The following KDM4B variants were observed in gnomAD, a reference collection of about 807,000 sequenced individuals.
The protein encoded by KDM4B is lysine demethylase 4B, also known as lysine-specific demethylase 4B.
A neutral mutation model predicts 125.2 loss-of-function variants in KDM4B; 32 were observed. The observed-to-expected ratio is 0.26, with a 90% CI of 0.19 to 0.34. The LOEUF (loss-of-function observed/expected upper bound fraction) is 0.34. Among genes scored for constraint, KDM4B ranks in the 10% least tolerant of loss-of-function variants. KDM4B has a pLI of 1.00. For missense variants in KDM4B, 1,190 were observed against 1,577.7 expected, an observed-to-expected ratio of 0.75 and a Z score of 4.16; for synonymous variants, 721 against 677.9, an observed-to-expected ratio of 1.06 and a Z score of -0.99.
At chr19:4,976,822 T>C (rs573891165) in intron 1 of KDM4B, among the ~76,000 whole-genome samples, 31 of 152,348 alleles carry the variant, frequency 2.0e-4, no homozygotes, top group Non-Finnish European at 3.7e-4. Flanking sequence ...TGTCTCACTC[T>C]TCTCCTGGCT....
intron 6 of KDM4B, among the ~76,000 whole-genome samples, chr19:5,060,406 C>G (rs2037548986): frequency 7.8e-6 from 1 of 127,772 alleles, no homozygotes; most frequent in Non-Finnish European, 1.6e-5. Flanking sequence ...CCCATCCAGC[C>G]TGGGTGACGG....
At chr19:5,057,382 T>C (rs2145756020) in intron 6 of KDM4B, among the ~76,000 whole-genome samples, 1 of 152,368 alleles carries the variant, frequency 6.6e-6, no homozygotes, top group East Asian at 1.9e-4. Context: ...CTCATTGTCA[T>C]GGCTGTGAAA....
intron 1 of KDM4B, among the ~76,000 whole-genome samples, chr19:4,974,179 C>T (rs1041403571): frequency 2.6e-5 from 4 of 151,192 alleles, no homozygotes; most frequent in African/African-American, 9.7e-5. Context: ...GGGCAGATCA[C>T]AAGGTCAGGA....
chr19:5,032,808 C>A, intron 2 of KDM4B, 58 bp from the exon 3 acceptor site: 2 of 1,496,042 alleles, frequency 1.3e-6, no homozygotes, highest in Non-Finnish European at 1.8e-6. Context: ...GGAGGACGGG[C>A]TCCAAGGGCT....
intron 2 of KDM4B, among the ~76,000 whole-genome samples, chr19:5,025,132 T>TAAGC (rs1327619285): frequency 6.6e-6 from 1 of 152,198 alleles, no homozygotes; most frequent in Admixed American, 6.5e-5. Flanking sequence ...TGGGTTGGGT[T>TAAGC]AAGCGGCTTT....
At chr19:5,101,611 A>G (rs1363107694) in intron 9 of KDM4B, among the ~76,000 whole-genome samples, 1 of 149,028 alleles carries the variant, frequency 6.7e-6, no homozygotes, top group African/African-American at 2.5e-5. Context: ...GCAAGGGGAT[A>G]GCGGGGAGGG....
intron 6 of KDM4B, among the ~76,000 whole-genome samples, chr19:5,068,204 C>T (rs2037835846): frequency 6.6e-6 from 1 of 152,056 alleles, no homozygotes; most frequent in African/African-American, 2.4e-5. Context: ...CTTTGGGGGC[C>T]TGGGCGGAGG....
intron 8 of KDM4B, chr19:5,077,871 G>C (rs1356752236): frequency 9.4e-6 from 2 of 213,238 alleles, no homozygotes; most frequent in Non-Finnish European, 1.9e-5. Context: ...TACCGCCCCA[G>C]GCCACACCCT....
At position 5,144,827 on chromosome 19, in the gene KDM4B, G is replaced by A. The variant is rs1396731620; in HGVS notation, c.2946G>A (p.Leu982=). The A allele has an allele frequency of 1.2e-6, 2 of 1,613,106 alleles. No individual in the cohort carries two copies. The highest frequency in any genetic ancestry group is 1.7e-5 in the Admixed American group (1 of 59,924). ...TGGGACCCCCTTCCGAGGGGGAGCTGGTGGAGCTCCGGTGGACTGACGGCA... is the reference window on the plus strand; with the variant it reads ...TGGGACCCCCTTCCGAGGGGGAGCTAGTGGAGCTCCGGTGGACTGACGGCA... The part of the protein sequence containing the change: ...VQLGPPSEGE[L]VELRWTDGNL... The change falls in exon 21 of 23, where the codon CTG becomes CTA. Residue 982 remains leucine, a synonymous_variant. Coordinates refer to ENST00000159111, the MANE Select transcript of KDM4B (RefSeq NM_015015.3).
chr19:5,009,072 G>A (rs955055370), intron 1 of KDM4B, among the ~76,000 whole-genome samples: 7 of 151,472 alleles, frequency 4.6e-5, no homozygotes, highest in African/African-American at 9.7e-5. Flanking sequence ...ATGCCACCAC[G>A]CTCAGCTAAT....
At chr19:5,019,005 G>T (rs572926977) in intron 2 of KDM4B, among the ~76,000 whole-genome samples, 10 of 152,354 alleles carry the variant, frequency 6.6e-5, no homozygotes, top group African/African-American at 2.4e-4. Flanking sequence ...GAGTCGTGCT[G>T]CTGTGGACAT....
intron 9 of KDM4B, among the ~76,000 whole-genome samples, chr19:5,101,598 G>C (rs2038935344): frequency 6.6e-6 from 1 of 151,726 alleles, no homozygotes; most frequent in South Asian, 2.1e-4. Flanking sequence ...GATGGGTTGG[G>C]ATGCAAGGGG....
intron 5 of KDM4B, among the ~76,000 whole-genome samples, chr19:5,045,052 G>A (rs8103724): frequency 0.092 from 14,063 of 152,238 alleles, 869 homozygotes; most frequent in Admixed American, 0.15. Context: ...CATCTCCTTT[G>A]GGTAAATACC....
Position 5,128,968 on chromosome 19 carries a change from G to A in KDM4B, c.1316-2108G>A, listed in dbSNP as rs1036986705. 7.2e-5 allele frequency among the ~76,000 whole-genome samples: 11 copies of A among 152,240 alleles called. No homozygotes were observed. In the East Asian group the frequency reaches 1.7e-3, roughly 24 times the overall value. On this transcript the variant is annotated intron_variant, in intron 11 of 22. Coordinates refer to ENST00000159111, the MANE Select transcript of KDM4B (RefSeq NM_015015.3). ...TGGGGGTGTTCCAGGCTCCCCTGCC[G>A]GGGTGGAGGTCAGGGAGGAGCCCGG...
chr19:5,074,736 C>A (rs73919723), intron 7 of KDM4B: 6,981 of 152,486 alleles, frequency 0.046, 209 homozygotes, highest in Non-Finnish European at 0.067. Context: ...AGCACCGTGG[C>A]CCCGCTCTCC....
intron 9 of KDM4B, among the ~76,000 whole-genome samples, chr19:5,088,136 C>T (rs901405418): frequency 3.9e-5 from 6 of 152,142 alleles, no homozygotes; most frequent in Admixed American, 1.3e-4. Context: ...TCCTCGTGGG[C>T]GGGATGTGCC....
chr19:5,031,937 T>C (rs1395295951), intron 2 of KDM4B, among the ~76,000 whole-genome samples: 1 of 152,180 alleles, frequency 6.6e-6, no homozygotes, highest in Admixed American at 6.5e-5. Flanking sequence ...TGGATTTTGT[T>C]AAGTTTTTTC....
chr19:5,088,162 G>A (rs1488127183), intron 9 of KDM4B, among the ~76,000 whole-genome samples: 9 of 152,214 alleles, frequency 5.9e-5, no homozygotes, highest in Admixed American at 5.9e-4. Flanking sequence ...ACTCGGGTAG[G>A]CCCGAGCATC....
intron 11 of KDM4B, among the ~76,000 whole-genome samples, chr19:5,128,191 G>T (rs1270264763): frequency 1.3e-5 from 2 of 152,240 alleles, no homozygotes; most frequent in Non-Finnish European, 2.9e-5. Flanking sequence ...TGCCTGTTGT[G>T]TGTGAGGGGT....
Sources: allele counts gnomAD v4.1 joint callset (sites outside exome capture counted in the v4.1 genomes callset), GRCh38; gene constraint gnomAD v4.1.1; transcripts MANE v1.5; gene names NCBI Gene and HGNC (gene_info 2026-07-23, HGNC 2026-07-21).